The following DYNC2LI1 variants were observed in gnomAD, a reference collection of about 807,000 sequenced individuals.
The protein encoded by DYNC2LI1 is dynein cytoplasmic 2 light intermediate chain 1.
Under a neutral mutation model 51.9 loss-of-function variants are expected in DYNC2LI1, and 45 were observed. The observed-to-expected ratio is 0.87, with a 90% CI of 0.68 to 1.11. The LOEUF is 1.11. Ranked by LOEUF, DYNC2LI1 falls within the 50% of genes most tolerant of loss-of-function variation. The pLI, the probability that DYNC2LI1 is intolerant of heterozygous loss-of-function variation, is 0.00. For synonymous variants in DYNC2LI1, 130 were observed against 137.8 expected (o/e 0.94, Z 0.40); for missense variants, 490 against 417.4 (o/e 1.17, Z -1.51).
At chr2:43,801,522 C>G (rs776289274) in intron 9 of DYNC2LI1, 117 bp from the exon 10 acceptor site, 31 of 632,636 alleles carry the variant, frequency 4.9e-5, no homozygotes, top group Non-Finnish European at 7.9e-5. Flanking sequence ...CGGGGCAATG[C>G]TCTCATTAGT....
the DYNC2LI1 span, chr2:43,824,230 A>G: frequency 6.2e-7 from 1 of 1,614,210 alleles, no homozygotes; most frequent in East Asian, 2.2e-5. Context: ...TCAGGAGAAC[A>G]CCCAGTTTAG....
At chr2:43,780,620 T>C (rs957651370) in intron 2 of DYNC2LI1, among the ~76,000 whole-genome samples, 1 of 151,964 alleles carries the variant, frequency 6.6e-6, no homozygotes, top group Admixed American at 6.6e-5. Context: ...GGCCAACATG[T>C]GGAGAGAATA....
chr2:43,801,678 C>G lies in DYNC2LI1; in HGVS notation c.771C>G (p.Ile257Met). Residue 257 changes from isoleucine (I) to methionine (M), a missense_variant, in exon 10 of 13, where the codon ATC becomes ATG. Ile to Met is a conservative substitution (Grantham distance 10, BLOSUM62 1). Coordinates refer to ENST00000260605, the MANE Select transcript of DYNC2LI1 (RefSeq NM_016008.4). ...TGGATCAGAATAAACCGCTGTTTAT[C>G]ACAGCAGGATTGGATTCTTTCGGTC... ...ICVDQNKPLFITAGLDSFGQI... is the reference protein window; with the variant it reads ...ICVDQNKPLFMTAGLDSFGQI... The G allele has an allele frequency of 6.2e-7, 1 of 1,609,680 alleles. No homozygotes were observed.
chr2:43,775,326 C>T (rs562497819), intron 1 of DYNC2LI1, among the ~76,000 whole-genome samples: 1 of 152,306 alleles, frequency 6.6e-6, no homozygotes, highest in African/African-American at 2.4e-5. Context: ...TAGGACCTAT[C>T]AGGTCTTGCC....
chr2:43,817,222 C>T, the DYNC2LI1 span, among the ~76,000 whole-genome samples: 79 of 152,340 alleles, frequency 5.2e-4, 2 homozygotes, highest in African/African-American at 1.8e-3. Flanking sequence ...TAGTGGCTCA[C>T]GCCTGTAATC....
intron 3 of DYNC2LI1, among the ~76,000 whole-genome samples, chr2:43,785,173 C>T (rs566688630): frequency 6.6e-6 from 1 of 152,078 alleles, no homozygotes; most frequent in African/African-American, 2.4e-5. Context: ...GTGGTGCATA[C>T]CTGTAGTCCC....
In DYNC2LI1 at chr2:43,775,077, T is replaced by A. The variant is rs537975634; in HGVS notation, c.8+931T>A. Among the ~76,000 whole-genome samples the A allele has an allele frequency of 2.0e-5, 3 of 152,362 alleles. No individual in the cohort carries two copies. The South Asian group carries it at 6.2e-4, about 32-fold the overall frequency. On this transcript the variant is annotated intron_variant, in intron 1 of 12. Coordinates refer to ENST00000260605, the MANE Select transcript of DYNC2LI1 (RefSeq NM_016008.4). ...AAGCCCTCAATAATTTTTGTAATTG[T>A]ATAGGCCATGCCCTAAACTACATAT...
intron 1 of DYNC2LI1, among the ~76,000 whole-genome samples, chr2:43,776,354 T>C (rs1260130481): frequency 6.6e-6 from 1 of 152,134 alleles, no homozygotes; most frequent in East Asian, 1.9e-4. Context: ...AAAAAAGAAA[T>C]GTTTCAGGGA....
intron 5 of DYNC2LI1, 190 bp from the exon 6 acceptor site, chr2:43,794,267 T>G (rs1054278958): frequency 1.9e-4 from 104 of 542,514 alleles, no homozygotes; most frequent in Middle Eastern, 9.9e-4. Flanking sequence ...TAAATATTAC[T>G]AGAGGAAAGT....
rs1553363111 is a variant in DYNC2LI1, at chr2:43,794,714, A to G, written c.507+71A>G. On this transcript the variant is annotated intron_variant, in intron 6 of 12. Transcript: ENST00000260605. ...ATAGTTAATGATAACATCACAAACAACTTCTTTAGATTTTTATGCATGACT... is the reference window on the plus strand; with the variant it reads ...ATAGTTAATGATAACATCACAAACAGCTTCTTTAGATTTTTATGCATGACT... 3 of 1,609,950 alleles carry G rather than the reference A, an allele frequency of 1.9e-6. No individual in the cohort carries two copies. The East Asian group carries it at 6.7e-5, about 36-fold the overall frequency.
intron 8 of DYNC2LI1, among the ~76,000 whole-genome samples, chr2:43,799,402 A>T (rs928263960): frequency 6.6e-6 from 1 of 152,180 alleles, no homozygotes; most frequent in Non-Finnish European, 1.5e-5. Flanking sequence ...GGGACTTAAA[A>T]TTATTATATA....
At chr2:43,819,486 T>G in the DYNC2LI1 span, among the ~76,000 whole-genome samples, 3 of 152,096 alleles carry the variant, frequency 2.0e-5, no homozygotes, top group Admixed American at 2.0e-4. Context: ...GCAGGCTTTT[T>G]TTTTTTTGTC....
At chr2:43,822,477 G>GCC in the DYNC2LI1 span, 26,504 of 345,850 alleles carry the variant, frequency 0.077, 1,698 homozygotes, top group African/African-American at 0.13. Context: ...CCCTCCCCCA[G>GCC]GCCCCCCCCC....
downstream of DYNC2LI1, among the ~76,000 whole-genome samples, chr2:43,810,194 GAT>G (rs1024075388): frequency 1.3e-5 from 2 of 152,060 alleles, no homozygotes; most frequent in African/African-American, 4.8e-5. Flanking sequence ...TGGGTTCACA[GAT>G]GTCAAAATTT....
At chr2:43,805,103 A>G in intron 11 of DYNC2LI1, 51 bp from the exon 12 acceptor site, 1 of 1,194,416 alleles carries the variant, frequency 8.4e-7, no homozygotes, top group Non-Finnish European at 1.2e-6. Flanking sequence ...GATGGTAGCC[A>G]TTGAATTTTG....
chr2:43,803,888 T>C (rs1198992678), intron 10 of DYNC2LI1, among the ~76,000 whole-genome samples: 1 of 152,188 alleles, frequency 6.6e-6, no homozygotes, highest in Non-Finnish European at 1.5e-5. Context: ...TTTTAAATTT[T>C]TCAAATTAAA....
chr2:43,809,784 G>A lies in DYNC2LI1; in HGVS notation c.*17G>A, dbSNP rs1028226581. On this transcript the variant is annotated 3_prime_UTR_variant, in exon 13 of 13. Transcript: ENST00000260605. ...GATTCTTGAACCTATTTCAATTATT[G>A]TATATTTATTTCTTCTTTTCCAAAT... The A allele has an allele frequency of 1.9e-6, 3 of 1,593,468 alleles. No homozygotes were observed. The highest frequency in any genetic ancestry group is 1.4e-5 in the African/African-American group (1 of 73,884).
chr2:43,775,040 T>A (rs1672948125), intron 1 of DYNC2LI1, among the ~76,000 whole-genome samples: 1 of 118,892 alleles, frequency 8.4e-6, no homozygotes, highest in South Asian at 2.7e-4. Flanking sequence ...GGTTCTTGAA[T>A]AGTATAATTA....
intron 6 of DYNC2LI1, chr2:43,795,083 T>G: frequency 9.9e-7 from 1 of 1,010,186 alleles, no homozygotes; most frequent in Non-Finnish European, 1.2e-6. Context: ...ACTTATTCAG[T>G]ATCTTTTTAT....
Sources: gnomAD v4.1 joint callset for allele counts (sites outside exome capture counted in the v4.1 genomes callset) on GRCh38, gnomAD v4.1.1 for gene constraint, MANE v1.5 for transcripts, NCBI Gene and HGNC (gene_info 2026-07-23, HGNC 2026-07-21) for gene names.